IDUA: variants seen among roughly 807,000 people sequenced by gnomAD.
The protein encoded by IDUA is iduronidase alpha-L-.
IDUA carries 65 observed loss-of-function variants against 68.9 expected under a neutral mutation model. The observed-to-expected ratio is 0.94, with a 90% confidence interval of 0.77 to 1.16. The LOEUF (loss-of-function observed/expected upper bound fraction) is 1.16. Ranked by LOEUF, IDUA falls within the 50% of genes most tolerant of loss-of-function variation. The pLI is 0.00. For synonymous variants in IDUA, 529 were observed against 433.6 expected (o/e 1.22, Z -2.73); for missense variants, 1,046 against 938.0 (o/e 1.12, Z -1.50).
intron 2 of IDUA, chr4:988,956 G>A (rs772722543): frequency 6.3e-7 from 1 of 1,595,972 alleles, no homozygotes; most frequent in East Asian, 2.3e-5. Context: ...CCCCGAGGAA[G>A]CCTCCTCTGC....
upstream of IDUA, chr4:987,019 A>T: frequency 7.0e-7 from 1 of 1,431,200 alleles, no homozygotes. Flanking sequence ...GCGCGCCCAG[A>T]CTCCGACCCG....
In IDUA at chr4:1,003,124, G is replaced by T. The variant is rs374102243; in HGVS notation, c.1491G>T (p.Thr497=). Residue 497 remains threonine (T), a synonymous_variant, in exon 10 of 14, where the codon ACG becomes ACT. Coordinates refer to ENST00000514224, the MANE Select transcript of IDUA (RefSeq NM_000203.5). ...WRRLGRPVFP[T]AEQFRRMRAA... Reference sequence around the variant, plus strand: ...GCCTGGGCCGGCCCGTCTTCCCCACGGCAGAGCAGTTCCGGCGCATGCGCG... The same window carrying T: ...GCCTGGGCCGGCCCGTCTTCCCCACTGCAGAGCAGTTCCGGCGCATGCGCG... 4.1e-5 allele frequency: 61 copies of T among 1,504,660 alleles called. No individual in the cohort carries two copies. The African/African-American group carries it at 4.4e-4, about 11-fold the overall frequency. The allele number at this position is 1,504,660 out of a possible 1,614,324, so 93.2% of individuals were successfully genotyped here.
chr4:991,924 C>G lies in IDUA; in HGVS notation c.299+3975C>G, dbSNP rs1046945639. On this transcript the variant is annotated intron_variant, in intron 2 of 13. Coordinates refer to ENST00000514224, the MANE Select transcript of IDUA (RefSeq NM_000203.5). ...GGATGGACGCTGGGCCCTGCTGGAT[C>G]CAGAATCCATCGTGAGGTGAGATGG... is the stretch of plus-strand genomic sequence containing the variant. 7.0e-6 allele frequency: 7 copies of G among 1,000,650 alleles called. No homozygotes were observed. The Middle Eastern group carries it at 1.4e-3, about 200-fold the overall frequency. 62.0% of individuals were successfully genotyped at this position (1,000,650 alleles called of 1,614,324 possible). A position where few individuals can be genotyped will look rare whatever the true frequency, so the allele number is the denominator to read the frequency against.
Position 1,001,744 on chromosome 4 carries a change from G to C in IDUA, c.655G>C (p.Gly219Arg). The C allele has an allele frequency of 1.3e-6, 2 of 1,598,520 alleles. No individual in the cohort carries two copies. The highest frequency in any genetic ancestry group is 1.7e-6 in the Non-Finnish European group (2 of 1,177,860). Reference sequence around the variant, plus strand: ...CGCCGCCAGCCCCGCCCTGCGGCTGGGAGGCCCCGGCGACTCCTTCCACAC... The same window carrying C: ...CGCCGCCAGCCCCGCCCTGCGGCTGCGAGGCCCCGGCGACTCCTTCCACAC... ...LRAASPALRL[G>R]GPGDSFHTPP... is the part of the protein sequence containing the mutation. The change falls in exon 6 of 14, where the codon GGA (glycine) becomes CGA (arginine). Residue 219 changes from glycine to arginine, a missense_variant. Coordinates refer to ENST00000514224, the MANE Select transcript of IDUA (RefSeq NM_000203.5).
intron 2 of IDUA, chr4:989,427 G>A: frequency 6.4e-7 from 1 of 1,555,232 alleles, no homozygotes; most frequent in Non-Finnish European, 8.7e-7. Context: ...GGCGTTGGGT[G>A]CGGCCGGCCA....
At position 989,529 on chromosome 4, in the gene IDUA, G is replaced by A. The variant is rs753595571; in HGVS notation, c.299+1580G>A. ...CCGCGGTGCCTGCCCAGACCAGCGCGTCAGCCGGGCTCATCCGCCACAGCC... is the reference window on the plus strand; with the variant it reads ...CCGCGGTGCCTGCCCAGACCAGCGCATCAGCCGGGCTCATCCGCCACAGCC... On this transcript the variant is annotated intron_variant, in intron 2 of 13. Transcript: ENST00000514224. 1.2e-5 allele frequency: 18 copies of A among 1,556,854 alleles called. No homozygotes were observed. The highest frequency in any genetic ancestry group is 5.4e-5 in the African/African-American group (4 of 73,674).
chr4:1,002,716 C>G lies in IDUA; in HGVS notation c.1190-16C>G. On this transcript the variant is annotated splice_polypyrimidine_tract_variant and intron_variant, in intron 8 of 13. Transcript: ENST00000514224. ...GCAACGACCCCACGCGGCGACGGCC[C>G]CCCCCCGCCCCGCAGATGAGGAGCA... The G allele has an allele frequency of 7.1e-7, 1 of 1,409,396 alleles. No homozygotes were observed. Among genetic ancestry groups the G allele is most frequent in the Non-Finnish European group, 9.5e-7 (1 of 1,057,888 alleles). The allele number at this position is 1,409,396 out of a possible 1,614,324, so 87.3% of individuals were successfully genotyped here. A position where few individuals can be genotyped will look rare whatever the true frequency, so the allele number is the denominator to read the frequency against.
chr4:1,001,420 T>C (rs1270014389), intron 4 of IDUA, 48 bp from the exon 5 acceptor site: 2 of 1,485,304 alleles, frequency 1.3e-6, no homozygotes, highest in East Asian at 2.3e-5. Flanking sequence ...TGGGAGTCAC[T>C]GAGGCGAGAT....
chr4:988,242 G>A (rs941687702), intron 2 of IDUA: 3 of 1,273,474 alleles, frequency 2.4e-6, no homozygotes, highest in Admixed American at 3.7e-5. Flanking sequence ...CTGCTGGCCA[G>A]GCTGGGTAGG....
chr4:990,429 G>A, intron 2 of IDUA: 3 of 1,446,142 alleles, frequency 2.1e-6, no homozygotes, highest in Non-Finnish European at 2.8e-6. Context: ...ACCAGCACCT[G>A]GCATGGCCCG....
At chr4:989,994 A>C (rs1334459799) in intron 2 of IDUA, 1 of 1,566,130 alleles carries the variant, frequency 6.4e-7, no homozygotes, top group East Asian at 2.4e-5. Context: ...CGCTCGAGCC[A>C]AAGCGCTTGT....
At chr4:990,096 T>A in intron 2 of IDUA, 1 of 1,595,210 alleles carries the variant, frequency 6.3e-7, no homozygotes. Flanking sequence ...GGTAGCGGTC[T>A]GAGAGCTCCT....
chr4:993,691 C>T (rs1714546394), intron 2 of IDUA, among the ~76,000 whole-genome samples: 1 of 152,178 alleles, frequency 6.6e-6, no homozygotes, highest in South Asian at 2.1e-4. Context: ...GGTAAACCTT[C>T]AGCTCTGGGG....
chr4:1,000,835 T>C (rs1715027205), intron 3 of IDUA, 47 bp from the exon 4 acceptor site: 4 of 1,530,648 alleles, frequency 2.6e-6, no homozygotes, highest in Non-Finnish European at 3.6e-6. Context: ...TGGCAGAGCA[T>C]GGGTGTGGTG....
chr4:990,571 C>T (rs796695277), intron 2 of IDUA: 37 of 596,052 alleles, frequency 6.2e-5, no homozygotes, highest in African/African-American at 4.5e-4. Flanking sequence ...GTGACATCCA[C>T]GTGAGCATCA....
chr4:1,000,353 G>A lies in IDUA; in HGVS notation c.300-259G>A, dbSNP rs116970472. 3.8e-4 allele frequency among the ~76,000 whole-genome samples: 58 copies of A among 152,368 alleles called. 1 individual carries two copies. The East Asian group carries it at 9.6e-3, about 25-fold the overall frequency. On this transcript the variant is annotated intron_variant, in intron 2 of 13. Coordinates refer to ENST00000514224, the MANE Select transcript of IDUA (RefSeq NM_000203.5). ...GCCTGCCTCGTGCCACTGAGCCTCA[G>A]AGCCATTCCGAACCCCCACCCCAAG...
At chr4:1,002,662 G>A (rs1715168521) in intron 8 of IDUA, 70 bp from the exon 9 acceptor site, 1 of 1,241,686 alleles carries the variant, frequency 8.1e-7, no homozygotes, top group South Asian at 1.4e-5. Flanking sequence ...AGTGGTGGGA[G>A]GCCCGGCCCT....
intron 2 of IDUA, chr4:991,136 G>T (rs1714267242): frequency 6.5e-7 from 1 of 1,542,490 alleles, no homozygotes; most frequent in Non-Finnish European, 8.8e-7. Flanking sequence ...ACCTGGTAAA[G>T]CCCGGTCATC....
In IDUA at chr4:1,004,442, C is replaced by G. The variant is rs750806141; in HGVS notation, c.*49C>G. ...TGCACCTCCACCGGCAGTCAGCGAG[C>G]TGGGGCTGCACTGTGCCCATGCTGC... On this transcript the variant is annotated 3_prime_UTR_variant, in exon 14 of 14. Transcript: ENST00000514224. This position sits in a 1 kb window ranked among gnomAD's most constrained non-coding sequence, Gnocchi z 5.0. The G allele has an allele frequency of 6.3e-7, 1 of 1,599,364 alleles. No homozygotes were observed. The highest frequency in any genetic ancestry group is 1.1e-5 in the South Asian group (1 of 90,792).
Sources: gnomAD v4.1 joint callset for allele counts (sites outside exome capture counted in the v4.1 genomes callset) on GRCh38, gnomAD v4.1.1 for gene constraint, Gnocchi (gnomAD v3.1) non-coding constraint, MANE v1.5 for transcripts, NCBI Gene and HGNC (gene_info 2026-07-23, HGNC 2026-07-21) for gene names.